The following INSC variants were observed in gnomAD, a reference collection of about 807,000 sequenced individuals.
INSC encodes the protein protein inscuteable homolog.
Under a neutral mutation model 58.6 loss-of-function variants are expected in INSC, and 67 were observed. The ratio of observed to expected loss-of-function variants is 1.14; its 90% CI spans 0.94 to 1.40. The LOEUF is 1.40. Ranked by LOEUF, INSC falls within the 40% of genes most tolerant of loss-of-function variation. INSC has a pLI of 0.00. For missense variants in INSC, 714 were observed against 692.0 expected, an observed-to-expected ratio of 1.03 and a Z score of -0.36; for synonymous variants, 262 against 276.1, an observed-to-expected ratio of 0.95 and a Z score of 0.51.
chr11:15,160,239 A>G lies in INSC; in HGVS notation c.56+11009A>G, dbSNP rs140585857. Among the ~76,000 whole-genome samples the G allele has an allele frequency of 4.0e-3, 611 of 152,346 alleles. 3 individuals are homozygous for G. The highest frequency in any genetic ancestry group is 4.7e-3 in the Non-Finnish European group (322 of 68,030). On this transcript the variant is annotated intron_variant, in intron 2 of 12. Coordinates refer to ENST00000379556, the MANE Select transcript of INSC (RefSeq NM_001042536.3). The stretch of plus-strand genomic sequence containing the variant: ...GAGTCACAAAGGACTCCTTCAGAAG[A>G]GAGATCAAGGTCAAGACCTCAATGA...
intron 2 of INSC, among the ~76,000 whole-genome samples, chr11:15,160,568 C>T (rs1423940638): frequency 6.6e-6 from 1 of 152,164 alleles, no homozygotes; most frequent in Non-Finnish European, 1.5e-5. Context: ...GATACACACA[C>T]ATACCATTTT....
At chr11:15,248,588 C>A (rs2133993649), downstream of INSC, among the ~76,000 whole-genome samples, 1 of 152,144 alleles carries the variant, frequency 6.6e-6, no homozygotes, top group East Asian at 1.9e-4. Context: ...CCAAAGCATA[C>A]AGAATGAAGA....
intron 7 of INSC, among the ~76,000 whole-genome samples, chr11:15,204,793 A>G (rs1850732889): frequency 6.6e-6 from 1 of 152,134 alleles, no homozygotes; most frequent in African/African-American, 2.4e-5. Flanking sequence ...CTTCTCACTG[A>G]GGTTCGCTTA....
intron 10 of INSC, among the ~76,000 whole-genome samples, chr11:15,237,878 T>G (rs1852192021): frequency 6.6e-6 from 1 of 152,110 alleles, no homozygotes; most frequent in Non-Finnish European, 1.5e-5. Context: ...GAAATCTAGA[T>G]TTTTATAGAA....
chr11:15,230,003 A>ATG, intron 9 of INSC, among the ~76,000 whole-genome samples: 1 of 25,508 alleles, frequency 3.9e-5, no homozygotes, highest in African/African-American at 1.6e-4. Flanking sequence ...ATATATATAT[A>ATG]TATATATATA....
In INSC at chr11:15,175,878, C is replaced by A; in HGVS notation, c.194C>A (p.Ala65Glu). 6.2e-7 allele frequency: 1 copy of A among 1,614,086 alleles called. No homozygotes were observed. The highest frequency in any genetic ancestry group is 8.5e-7 in the Non-Finnish European group (1 of 1,179,916). The part of the protein sequence containing the change: ...EEDAQGDLIL[A>E]GGPGPGDPLQ... ...GATGCACAGGGTGACCTCATCCTGGCAGGTGGCCCTGGCCCTGGAGACCCC... is the reference window on the plus strand; with the variant it reads ...GATGCACAGGGTGACCTCATCCTGGAAGGTGGCCCTGGCCCTGGAGACCCC... The change falls in exon 3 of 13, where the codon GCA becomes GAA. Residue 65 changes from alanine to glutamate, a missense_variant. Ala to Glu is a moderately radical substitution (Grantham distance 107, BLOSUM62 -1). Coordinates refer to ENST00000379556, the MANE Select transcript of INSC (RefSeq NM_001042536.3).
At chr11:15,155,960 A>AGT (rs1848801368) in intron 2 of INSC, among the ~76,000 whole-genome samples, 1 of 152,152 alleles carries the variant, frequency 6.6e-6, no homozygotes, top group South Asian at 2.1e-4. Flanking sequence ...GGTCAGGCAC[A>AGT]GTGACCTTCT....
the INSC span, among the ~76,000 whole-genome samples, chr11:15,261,216 C>T: frequency 3.2e-4 from 49 of 152,112 alleles, no homozygotes; most frequent in African/African-American, 1.2e-3. Context: ...CATGTGTATG[C>T]CTGGTTCTGA....
intron 1 of INSC, among the ~76,000 whole-genome samples, chr11:15,140,788 T>C (rs1043995149): frequency 6.6e-6 from 1 of 152,050 alleles, no homozygotes; most frequent in East Asian, 1.9e-4. Context: ...TCTTGCTATG[T>C]AGCCCAGGCT....
intron 7 of INSC, among the ~76,000 whole-genome samples, chr11:15,217,386 G>A (rs1386021830): frequency 6.6e-6 from 1 of 152,188 alleles, no homozygotes; most frequent in Non-Finnish European, 1.5e-5. Context: ...TTTGGGTGGG[G>A]ACACAGCCAA....
intron 7 of INSC, among the ~76,000 whole-genome samples, chr11:15,220,463 A>G (rs1851395413): frequency 6.6e-6 from 1 of 152,142 alleles, no homozygotes; most frequent in East Asian, 1.9e-4. Flanking sequence ...ACCCCAATGG[A>G]GGCTGAGGTC....
chr11:15,210,667 G>T (rs1850989600), intron 7 of INSC, among the ~76,000 whole-genome samples: 1 of 152,062 alleles, frequency 6.6e-6, no homozygotes, highest in Non-Finnish European at 1.5e-5. Flanking sequence ...CAGTGCTGTT[G>T]CTGGGGAGAA....
chr11:15,161,317 T>C (rs1259431776), intron 2 of INSC, among the ~76,000 whole-genome samples: 1 of 152,210 alleles, frequency 6.6e-6, no homozygotes, highest in Non-Finnish European at 1.5e-5. Flanking sequence ...CTGAACAGTT[T>C]GATTAACAAA....
the INSC span, among the ~76,000 whole-genome samples, chr11:15,259,250 A>G: frequency 3.3e-5 from 5 of 152,210 alleles, no homozygotes; most frequent in Non-Finnish European, 4.4e-5. Flanking sequence ...AAGCTCTAGC[A>G]GTCATTAGAT....
Position 15,206,901 on chromosome 11 carries a change from C to G in INSC, c.819+5952C>G, listed in dbSNP as rs367630478. The stretch of plus-strand genomic sequence containing the variant: ...TTTTCCTCCTCCCATGCCCATTTGT[C>G]TCTACTTTTCCAGGCTGGTCTGGGG... On this transcript the variant is annotated intron_variant, in intron 7 of 12. Coordinates refer to ENST00000379556, the MANE Select transcript of INSC (RefSeq NM_001042536.3). Among the ~76,000 whole-genome samples, 150 of 152,316 alleles carry G rather than the reference C, an allele frequency of 9.8e-4. 1 individual carries two copies. The highest frequency in any genetic ancestry group is 3.4e-3 in the African/African-American group (143 of 41,568).
intron 2 of INSC, among the ~76,000 whole-genome samples, chr11:15,158,909 T>G (rs1848916073): frequency 6.9e-6 from 1 of 143,956 alleles, no homozygotes; most frequent in Admixed American, 7.1e-5. Context: ...CTGAGCTCTA[T>G]GAAGGCTGGA....
chr11:15,180,700 G>GT (rs1849746189), intron 5 of INSC, among the ~76,000 whole-genome samples: 1 of 107,074 alleles, frequency 9.3e-6, no homozygotes, highest in Non-Finnish European at 1.9e-5. Context: ...GGGGCGGGGG[G>GT]GGGTGGTGGC....
At chr11:15,216,752 C>T (rs1046291794) in intron 7 of INSC, among the ~76,000 whole-genome samples, 5 of 152,100 alleles carry the variant, frequency 3.3e-5, no homozygotes, top group African/African-American at 1.2e-4. Flanking sequence ...CTGGTGAGGT[C>T]TCAGTTCCAA....
chr11:15,214,724 C>T (rs1851149592), intron 7 of INSC, among the ~76,000 whole-genome samples: 1 of 152,214 alleles, frequency 6.6e-6, no homozygotes, highest in African/African-American at 2.4e-5. Context: ...TTGTTGAGAG[C>T]TGGGACCTTT....
Sources: gnomAD v4.1 joint callset for allele counts (sites outside exome capture counted in the v4.1 genomes callset) on GRCh38, gnomAD v4.1.1 for gene constraint, MANE v1.5 for transcripts, NCBI Gene and HGNC (gene_info 2026-07-23, HGNC 2026-07-21) for gene names.